The following SBF2 variants were observed in gnomAD, a reference collection of about 807,000 sequenced individuals.
SBF2 encodes the protein SET binding factor 2.
In SBF2, 112 loss-of-function variants were observed where a neutral mutation model predicts 225.2. The observed-to-expected ratio is 0.50, with a 90% CI of 0.43 to 0.58. The LOEUF is 0.58. Among genes scored for constraint, SBF2 ranks in the 20% least tolerant of loss-of-function variants. The pLI, the probability that SBF2 is intolerant of heterozygous loss-of-function variation, is 0.00. For missense variants in SBF2, 1,996 were observed against 2,206.2 expected, an observed-to-expected ratio of 0.90 and a Z score of 1.91; for synonymous variants, 763 against 773.3, an observed-to-expected ratio of 0.99 and a Z score of 0.22.
intron 16 of SBF2, among the ~76,000 whole-genome samples, chr11:9,956,136 T>A (rs915347120): frequency 1.3e-5 from 2 of 152,188 alleles, no homozygotes; most frequent in African/African-American, 4.8e-5. Context: ...AATATTCTAG[T>A]GTAAGAAGAT....
intron 17 of SBF2, among the ~76,000 whole-genome samples, chr11:9,887,563 G>C (rs1316337356): frequency 6.6e-6 from 1 of 152,044 alleles, no homozygotes; most frequent in African/African-American, 2.4e-5. Flanking sequence ...AGAAGAAAAT[G>C]AAGGGAGGAA....
chr11:9,988,812 A>G (rs1285092787), intron 13 of SBF2, among the ~76,000 whole-genome samples: 1 of 152,214 alleles, frequency 6.6e-6, no homozygotes, highest in Non-Finnish European at 1.5e-5. Flanking sequence ...TGGGAATGTA[A>G]ACTAGTACAG....
In SBF2 at chr11:10,108,551, G is replaced by C. The variant is rs575141871; in HGVS notation, c.142-65570C>G. On this transcript the variant is annotated intron_variant, in intron 2 of 39. Coordinates refer to ENST00000256190, the MANE Select transcript of SBF2 (RefSeq NM_030962.4). ...TTTTTTTTTTTTTTTTTGAGACGGA[G>C]TCTCGCTCTGTCGCCCAGGCTGGAG... is the stretch of plus-strand genomic sequence containing the variant. Among the ~76,000 whole-genome samples, 608 of 123,600 alleles carry C rather than the reference G, an allele frequency of 4.9e-3. 6 individuals carry two copies. The highest frequency in any genetic ancestry group is 0.017 in the African/African-American group (572 of 33,012). 81.1% of individuals were successfully genotyped at this position (123,600 alleles called of 152,430 possible). A position where few individuals can be genotyped will look rare whatever the true frequency, so the allele number is the denominator to read the frequency against.
chr11:10,013,404 CCAGAT>C (rs1416581831), intron 6 of SBF2, among the ~76,000 whole-genome samples: 1 of 152,202 alleles, frequency 6.6e-6, no homozygotes, highest in Non-Finnish European at 1.5e-5. Context: ...GGGGCAACCA[CCAGAT>C]AAGAATGCTG....
chr11:9,879,043 A>C (rs916725594), intron 17 of SBF2, among the ~76,000 whole-genome samples: 1 of 152,226 alleles, frequency 6.6e-6, no homozygotes, highest in Non-Finnish European at 1.5e-5. Context: ...AAATGTTTGC[A>C]CTTTGGACAT....
intron 3 of SBF2, 47 bp from the exon 4 acceptor site, chr11:10,031,217 G>A (rs760289372): frequency 1.9e-6 from 3 of 1,593,568 alleles, no homozygotes; most frequent in Non-Finnish European, 2.6e-6. Flanking sequence ...GATTTCCTAG[G>A]TTCATAATTC....
At chr11:10,115,627 C>T (rs975908910) in intron 2 of SBF2, among the ~76,000 whole-genome samples, 1 of 152,160 alleles carries the variant, frequency 6.6e-6, no homozygotes, top group Non-Finnish European at 1.5e-5. Context: ...TGCAACTCTT[C>T]CCACCTATTT....
intron 1 of SBF2, among the ~76,000 whole-genome samples, chr11:10,214,645 C>T (rs900991398): frequency 1.3e-5 from 2 of 152,018 alleles, no homozygotes; most frequent in African/African-American, 4.8e-5. Flanking sequence ...AACAAACAAA[C>T]AAAAACAGCC....
intron 2 of SBF2, among the ~76,000 whole-genome samples, chr11:10,185,104 T>C (rs1377176574): frequency 6.8e-6 from 1 of 147,478 alleles, no homozygotes; most frequent in East Asian, 2.0e-4. Context: ...GGCTGAATAA[T>C]ATTCTGGGGG....
At chr11:10,065,872 AG>A (rs1950606497) in intron 2 of SBF2, among the ~76,000 whole-genome samples, 1 of 152,060 alleles carries the variant, frequency 6.6e-6, no homozygotes, top group African/African-American at 2.4e-5. Context: ...CCTTGAACCC[AG>A]GGGGTGGAAG....
At chr11:10,292,767 T>G (rs1964250618) in intron 1 of SBF2, among the ~76,000 whole-genome samples, 2 of 151,960 alleles carry the variant, frequency 1.3e-5, no homozygotes, top group South Asian at 4.1e-4. Flanking sequence ...AAAACTGATT[T>G]CCCACACTTA....
intron 9 of SBF2, 126 bp downstream of exon 9, chr11:9,998,140 T>C (rs1947790460): frequency 1.5e-6 from 1 of 648,472 alleles, no homozygotes; most frequent in Non-Finnish European, 2.7e-6. Context: ...ATTATGTTCA[T>C]GTTTCAAATA....
intron 6 of SBF2, among the ~76,000 whole-genome samples, chr11:10,010,553 T>C (rs909575689): frequency 1.3e-5 from 2 of 152,200 alleles, no homozygotes; most frequent in African/African-American, 4.8e-5. Flanking sequence ...GTTGTAGATG[T>C]ATGGTGTTAT....
intron 28 of SBF2, among the ~76,000 whole-genome samples, chr11:9,819,000 G>A (rs1237937501): frequency 1.3e-5 from 2 of 152,166 alleles, no homozygotes; most frequent in Non-Finnish European, 2.9e-5. Context: ...GGGATTACAG[G>A]TGCGAGCCAC....
intron 2 of SBF2, among the ~76,000 whole-genome samples, chr11:10,166,362 C>A (rs867018465): frequency 2.6e-5 from 4 of 152,132 alleles, no homozygotes; most frequent in Middle Eastern, 3.4e-3. Flanking sequence ...ATAGAAAGGA[C>A]TACTAGAAAC....
At chr11:10,295,504 A>G (rs942657639), upstream of SBF2, among the ~76,000 whole-genome samples, 1 of 152,018 alleles carries the variant, frequency 6.6e-6, no homozygotes, top group Non-Finnish European at 1.5e-5. Flanking sequence ...CAGGACCTCT[A>G]TGTCAGTTGC....
chr11:10,043,384 C>A (rs1949731108), intron 2 of SBF2, among the ~76,000 whole-genome samples: 1 of 152,086 alleles, frequency 6.6e-6, no homozygotes, highest in African/African-American at 2.4e-5. Context: ...ATCTGAGAGT[C>A]TTCAATTCAT....
Position 10,180,547 on chromosome 11 carries a change from T to C in SBF2, c.141+13355A>G, listed in dbSNP as rs563502739. Among the ~76,000 whole-genome samples, 5 of 152,306 alleles carry C rather than the reference T, an allele frequency of 3.3e-5. No individual in the cohort carries two copies. In the East Asian group the frequency reaches 9.6e-4, roughly 29 times the overall value. On this transcript the variant is annotated intron_variant, in intron 2 of 39. Coordinates refer to ENST00000256190, the MANE Select transcript of SBF2 (RefSeq NM_030962.4). ...GAGTTTGATATTACATGTCTTGATA[T>C]ATTCTTCTTTGGATTAAATCTGCTA... is the stretch of plus-strand genomic sequence containing the variant.
intron 22 of SBF2, among the ~76,000 whole-genome samples, chr11:9,848,288 G>A (rs933250663): frequency 7.2e-5 from 11 of 152,136 alleles, no homozygotes; most frequent in African/African-American, 2.7e-4. Flanking sequence ...GTTCTAGGAT[G>A]TATTTAACAC....
Sources: allele counts gnomAD v4.1 joint callset (sites outside exome capture counted in the v4.1 genomes callset), GRCh38; gene constraint gnomAD v4.1.1; transcripts MANE v1.5; gene names NCBI Gene and HGNC (gene_info 2026-07-23, HGNC 2026-07-21).